SDCCAG8: variants seen among roughly 807,000 people sequenced by gnomAD.
The protein encoded by SDCCAG8 is SHH signaling and ciliogenesis regulator SDCCAG8, also known as serologically defined colon cancer antigen 8.
SDCCAG8 carries 74 observed loss-of-function variants against 101.8 expected under a neutral mutation model. The ratio of observed to expected loss-of-function variants is 0.73; its 90% CI spans 0.60 to 0.88. The LOEUF (loss-of-function observed/expected upper bound fraction) is 0.88, where lower values mean the gene tolerates loss of function less well. SDCCAG8 is among the 40% of genes least tolerant of loss of function. The pLI, the probability that SDCCAG8 is intolerant of heterozygous loss-of-function variation, is 0.00. For synonymous variants in SDCCAG8, 281 were observed against 292.9 expected, an observed-to-expected ratio of 0.96 and a Z score of 0.41; for missense variants, 787 against 822.6, an observed-to-expected ratio of 0.96 and a Z score of 0.53.
intron 9 of SDCCAG8, among the ~76,000 whole-genome samples, chr1:243,323,687 C>T (rs1573291885): frequency 6.6e-6 from 1 of 152,152 alleles, no homozygotes; most frequent in South Asian, 2.1e-4. Context: ...CTGAGTGCAT[C>T]GCAGCCAGGC....
intron 5 of SDCCAG8, among the ~76,000 whole-genome samples, chr1:243,289,883 T>C (rs2070050913): frequency 6.6e-6 from 1 of 152,048 alleles, no homozygotes; most frequent in East Asian, 1.9e-4. Context: ...GTCTCCTGCT[T>C]GTAGCCCTGG....
intron 12 of SDCCAG8, among the ~76,000 whole-genome samples, chr1:243,377,021 C>G (rs1250254029): frequency 1.3e-5 from 2 of 152,144 alleles, no homozygotes; most frequent in Non-Finnish European, 2.9e-5. Flanking sequence ...GCTAATATAT[C>G]CCTCATCTGG....
At chr1:243,433,793 G>C (rs1006181698) in intron 16 of SDCCAG8, among the ~76,000 whole-genome samples, 2 of 152,206 alleles carry the variant, frequency 1.3e-5, no homozygotes, top group African/African-American at 4.8e-5. Flanking sequence ...GACTCACCCC[G>C]AGTATAGGTG....
intron 17 of SDCCAG8, among the ~76,000 whole-genome samples, chr1:243,495,310 T>G (rs116556988): frequency 0.018 from 2,709 of 152,316 alleles, 92 homozygotes; most frequent in African/African-American, 0.062. Context: ...CCACTTCATG[T>G]CTGCAAGGCG....
intron 6 of SDCCAG8, among the ~76,000 whole-genome samples, chr1:243,299,894 T>C (rs1417683505): frequency 2.0e-5 from 3 of 149,142 alleles, no homozygotes; most frequent in Non-Finnish European, 4.5e-5. Flanking sequence ...AGACGGAGTC[T>C]CACTCTGTTG....
intron 13 of SDCCAG8, among the ~76,000 whole-genome samples, chr1:243,399,193 G>T (rs1469100292): frequency 6.6e-6 from 1 of 152,180 alleles, no homozygotes; most frequent in Non-Finnish European, 1.5e-5. Context: ...GAAGCTAAGT[G>T]ATTTTCCTAA....
intron 1 of SDCCAG8, chr1:243,267,542 C>G (rs1371549698): frequency 4.8e-6 from 2 of 419,776 alleles, no homozygotes; most frequent in Non-Finnish European, 4.4e-6. Context: ...GCGGAGGGTG[C>G]GGTGAGCCGA....
At chr1:243,261,238 C>T (rs1371459829) in intron 1 of SDCCAG8, among the ~76,000 whole-genome samples, 1 of 152,058 alleles carries the variant, frequency 6.6e-6, no homozygotes, top group Non-Finnish European at 1.5e-5. Context: ...GGAAGCCAAG[C>T]AAAACACACC....
At chr1:243,489,710 T>TAA (rs1665900599) in intron 17 of SDCCAG8, among the ~76,000 whole-genome samples, 1 of 152,152 alleles carries the variant, frequency 6.6e-6, no homozygotes, top group African/African-American at 2.4e-5. Flanking sequence ...GATGCTGACT[T>TAA]TATTGTCTTC....
chr1:243,383,442 A>G (rs2078081618), intron 13 of SDCCAG8, among the ~76,000 whole-genome samples: 1 of 152,230 alleles, frequency 6.6e-6, no homozygotes, highest in Non-Finnish European at 1.5e-5. Flanking sequence ...AATGATTCTA[A>G]TAATGATTTA....
rs1482913867 is a variant in SDCCAG8 at position 243,492,616 on chromosome 1, T to TG, written c.2112+3476_2112+3477insG. Among the ~76,000 whole-genome samples the TG allele has an allele frequency of 1.1e-4, 16 of 144,520 alleles. No homozygotes were observed. The East Asian group carries it at 3.1e-3, about 28-fold the overall frequency. The allele number at this position is 144,520 out of a possible 152,430, so 94.8% of individuals were successfully genotyped here. Reference sequence around the variant, plus strand: ...ACTGCGCCCAGCTGTTTTTTTTTTTTTTTTTTTTTTTGATGAGTTTTGTTC... The same window carrying TG: ...ACTGCGCCCAGCTGTTTTTTTTTTTTGTTTTTTTTTTTGATGAGTTTTGTTC... On this transcript the variant is annotated intron_variant, in intron 17 of 17. Coordinates refer to ENST00000366541, the MANE Select transcript of SDCCAG8 (RefSeq NM_006642.5).
intron 13 of SDCCAG8, among the ~76,000 whole-genome samples, chr1:243,379,470 T>C (rs1468113519): frequency 2.6e-5 from 4 of 152,158 alleles, no homozygotes; most frequent in African/African-American, 9.6e-5. Context: ...CTTTAGTAAA[T>C]ATGTAGCTCG....
At chr1:243,307,147 A>G (rs942000288) in intron 7 of SDCCAG8, among the ~76,000 whole-genome samples, 8 of 151,622 alleles carry the variant, frequency 5.3e-5, no homozygotes, top group Non-Finnish European at 1.0e-4. Context: ...TTACTGGGAT[A>G]AGGTAGGAAA....
Position 243,344,314 on chromosome 1 carries a change from C to T in SDCCAG8, c.1456C>T (p.Leu486Phe). The change falls in exon 12 of 18, where the codon CTT becomes TTT. Residue 486 changes from leucine to phenylalanine, a missense_variant. Leu to Phe is a conservative substitution (Grantham distance 22, BLOSUM62 0). Coordinates refer to ENST00000366541, the MANE Select transcript of SDCCAG8 (RefSeq NM_006642.5). ...REFRAKTNRD[L>F]EIKDQEIEKL... ...GTTCAGAGCAAAAACTAACAGGGATCTTGAAATTAAAGATCAGGTAAGAGA... is the reference window on the plus strand; with the variant it reads ...GTTCAGAGCAAAAACTAACAGGGATTTTGAAATTAAAGATCAGGTAAGAGA... 1 of 1,612,090 alleles carries T rather than the reference C, an allele frequency of 6.2e-7. No homozygotes were observed. The highest frequency in any genetic ancestry group is 8.5e-7 in the Non-Finnish European group (1 of 1,178,270).
rs1348228916 is a variant in SDCCAG8 at position 243,335,855 on chromosome 1, T to TCCC, written c.1221+5163_1221+5164insCCC. 4.5e-3 allele frequency among the ~76,000 whole-genome samples: 683 copies of TCCC among 152,310 alleles called. 4 individuals carry two copies. The highest frequency in any genetic ancestry group is 0.015 in the African/African-American group (631 of 41,562). On this transcript the variant is annotated intron_variant, in intron 10 of 17. Transcript: ENST00000366541. ...TATCTTTATATCCGTGAGTACCTAA[T>TCCC]ACTTAGCTCCCACTTGTGAGTGAGA...
intron 16 of SDCCAG8, among the ~76,000 whole-genome samples, chr1:243,433,737 G>A (rs1280802608): frequency 6.6e-6 from 1 of 152,182 alleles, no homozygotes; most frequent in African/African-American, 2.4e-5. Flanking sequence ...GCTTAGAAAA[G>A]TGATCAAGGT....
chr1:243,476,728 C>T (rs1662482058), intron 16 of SDCCAG8, among the ~76,000 whole-genome samples: 1 of 152,176 alleles, frequency 6.6e-6, no homozygotes, highest in African/African-American at 2.4e-5. Flanking sequence ...CTTGTAATCA[C>T]TCTGGGTTAA....
chr1:243,487,399 G>A (rs1665184809), intron 16 of SDCCAG8, among the ~76,000 whole-genome samples: 1 of 152,222 alleles, frequency 6.6e-6, no homozygotes, highest in Non-Finnish European at 1.5e-5. Context: ...CCAGAGCAGC[G>A]ATGGCCTTAG....
chr1:243,313,333 T>C (rs2072932181), intron 8 of SDCCAG8, among the ~76,000 whole-genome samples: 1 of 152,252 alleles, frequency 6.6e-6, no homozygotes, highest in African/African-American at 2.4e-5. Flanking sequence ...TCTTAGCCAC[T>C]CCACATTTCA....
Sources: allele counts gnomAD v4.1 joint callset (sites outside exome capture counted in the v4.1 genomes callset), GRCh38; gene constraint gnomAD v4.1.1; transcripts MANE v1.5; gene names NCBI Gene and HGNC (gene_info 2026-07-23, HGNC 2026-07-21).